The following CALN1 variants were observed in gnomAD, a reference collection of about 807,000 sequenced individuals.
CALN1 encodes the protein calneuron 1, also known as calcium-binding protein 8.
CALN1 carries 17 observed loss-of-function variants against 30.6 expected under a neutral mutation model. The observed-to-expected ratio is 0.56, with a 90% CI of 0.38 to 0.83. The LOEUF (loss-of-function observed/expected upper bound fraction) is 0.83. Among genes scored for constraint, CALN1 ranks in the 40% least tolerant of loss-of-function variants. The pLI is 0.00. For synonymous variants in CALN1, 156 were observed against 131.4 expected, an observed-to-expected ratio of 1.19 and a Z score of -1.28; for missense variants, 291 against 354.9, an observed-to-expected ratio of 0.82 and a Z score of 1.45.
chr7:72,093,549 T>C (rs1286176180), intron 4 of CALN1, among the ~76,000 whole-genome samples: 1 of 152,200 alleles, frequency 6.6e-6, no homozygotes, highest in Non-Finnish European at 1.5e-5. Flanking sequence ...CTGTGGTTTC[T>C]TGGGATACAA....
chr7:72,209,103 ATTTC>A (rs1215083149), intron 3 of CALN1, among the ~76,000 whole-genome samples: 1 of 101,876 alleles, frequency 9.8e-6, no homozygotes, highest in Non-Finnish European at 1.9e-5. Context: ...TTCTTGTGTC[ATTTC>A]TCTCTTTTTT....
intron 3 of CALN1, among the ~76,000 whole-genome samples, chr7:72,231,246 G>A (rs1338986995): frequency 6.6e-6 from 1 of 152,064 alleles, no homozygotes; most frequent in Non-Finnish European, 1.5e-5. Flanking sequence ...ATTAAGCCCA[G>A]CAGGCATTAG....
At chr7:72,323,412 GT>G (rs1801033068) in intron 2 of CALN1, among the ~76,000 whole-genome samples, 4 of 152,162 alleles carry the variant, frequency 2.6e-5, no homozygotes, top group Admixed American at 1.3e-4. Flanking sequence ...GCTGCAGCTT[GT>G]TGGAAATGCC....
intron 4 of CALN1, among the ~76,000 whole-genome samples, chr7:72,056,105 C>T (rs1803242691): frequency 1.3e-5 from 2 of 151,970 alleles, no homozygotes; most frequent in African/African-American, 4.8e-5. Context: ...TAAAAGAAAA[C>T]ATAAAAGAAT....
At chr7:72,503,309 T>C in the CALN1 span, among the ~76,000 whole-genome samples, 1 of 152,046 alleles carries the variant, frequency 6.6e-6, no homozygotes, top group South Asian at 2.1e-4. Context: ...CTTCATCCAA[T>C]GTTCCTAAGC....
chr7:72,275,503 T>C lies in CALN1; in HGVS notation c.244+3183A>G, dbSNP rs140357509. 1.4e-3 allele frequency among the ~76,000 whole-genome samples: 208 copies of C among 152,292 alleles called. 1 individual carries two copies. Among genetic ancestry groups the C allele is most frequent in the African/African-American group, 4.9e-3 (203 of 41,544 alleles). On this transcript the variant is annotated intron_variant, in intron 3 of 6. Coordinates refer to ENST00000395275, the MANE Select transcript of CALN1 (RefSeq NM_031468.4). Reference sequence around the variant, plus strand: ...GCTTGTAATAAACCAGGAACAGTCATAACTCAGTGTTCGCCTTGGCAAAAA... The same window carrying C: ...GCTTGTAATAAACCAGGAACAGTCACAACTCAGTGTTCGCCTTGGCAAAAA...
At chr7:72,197,219 C>G (rs1189451458) in intron 3 of CALN1, among the ~76,000 whole-genome samples, 4 of 110,660 alleles carry the variant, frequency 3.6e-5, no homozygotes, top group African/African-American at 1.4e-4. Context: ...GAGTCTCACT[C>G]TGTCACCCAG....
At chr7:72,348,955 C>T (rs190235617) in intron 2 of CALN1, among the ~76,000 whole-genome samples, 5 of 151,594 alleles carry the variant, frequency 3.3e-5, no homozygotes, top group East Asian at 1.9e-4. Flanking sequence ...AAGGGGCTTT[C>T]GAGCAGCTAT....
chr7:71,996,437 G>A (rs1373183607), intron 5 of CALN1, among the ~76,000 whole-genome samples: 2 of 152,202 alleles, frequency 1.3e-5, no homozygotes, highest in Non-Finnish European at 2.9e-5. Context: ...CTGTGTCCAT[G>A]TGTTCTCATT....
In CALN1 at chr7:72,349,579, C is replaced by T. The variant is rs144403720; in HGVS notation, c.119+53672G>A. 2.4e-3 allele frequency among the ~76,000 whole-genome samples: 364 copies of T among 152,102 alleles called. 3 individuals carry two copies. The highest frequency in any genetic ancestry group is 8.4e-3 in the African/African-American group (350 of 41,502). On this transcript the variant is annotated intron_variant, in intron 2 of 6. Coordinates refer to ENST00000395275, the MANE Select transcript of CALN1 (RefSeq NM_031468.4). ...TGTAATACTAACTTCTTTTAAGGAA[C>T]AATACAAGCCAAAAGACAATGGAAC...
At chr7:72,424,971 T>A (rs1207673996) in intron 1 of CALN1, among the ~76,000 whole-genome samples, 1 of 152,132 alleles carries the variant, frequency 6.6e-6, no homozygotes, top group Non-Finnish European at 1.5e-5. Flanking sequence ...CTCTAAGGTT[T>A]CTCTCCTGAG....
At chr7:72,242,439 A>T (rs1438649591) in intron 3 of CALN1, among the ~76,000 whole-genome samples, 1 of 152,176 alleles carries the variant, frequency 6.6e-6, no homozygotes, top group Non-Finnish European at 1.5e-5. Flanking sequence ...AAGAGAGAAC[A>T]ACTCATTATT....
At position 71,912,922 on chromosome 7, in the gene CALN1, G is replaced by C. The variant is rs541218499; in HGVS notation, c.502-102430C>G. 5.9e-5 allele frequency among the ~76,000 whole-genome samples: 9 copies of C among 152,278 alleles called. No individual in the cohort carries two copies. In the East Asian group the frequency reaches 1.5e-3, roughly 26 times the overall value. On this transcript the variant is annotated intron_variant, in intron 5 of 6. Transcript: ENST00000395275. ...CAGTTTCTGCCACTACCGACTTGAC[G>C]GACTAAGCCAGGGCTGTGATTGAGC... is the stretch of plus-strand genomic sequence containing the variant.
chr7:72,218,790 T>C (rs1585193514), intron 3 of CALN1, among the ~76,000 whole-genome samples: 2 of 152,184 alleles, frequency 1.3e-5, no homozygotes, highest in Admixed American at 6.5e-5. Context: ...TATAAAACAA[T>C]GACTGGTAAA....
At chr7:72,315,190 T>C (rs1287823392) in intron 2 of CALN1, among the ~76,000 whole-genome samples, 1 of 151,836 alleles carries the variant, frequency 6.6e-6, no homozygotes, top group African/African-American at 2.4e-5. Context: ...AGTTAAAAAG[T>C]AATACTAAAG....
At chr7:72,437,463 T>C (rs1467306836) in intron 1 of CALN1, among the ~76,000 whole-genome samples, 4 of 151,652 alleles carry the variant, frequency 2.6e-5, no homozygotes, top group Admixed American at 1.3e-4. Flanking sequence ...AAGAGAACAA[T>C]GGCAAGGAGA....
chr7:72,409,620 A>G (rs73364981), intron 1 of CALN1, among the ~76,000 whole-genome samples: 5,338 of 152,044 alleles, frequency 0.035, 290 homozygotes, highest in African/African-American at 0.12. Flanking sequence ...AAAGTATCTA[A>G]AATTCCAATC....
intron 2 of CALN1, among the ~76,000 whole-genome samples, chr7:72,307,169 C>CAA (rs770183218): frequency 4.6e-5 from 7 of 152,106 alleles, no homozygotes; most frequent in Non-Finnish European, 7.3e-5. Flanking sequence ...TTAAGAGATT[C>CAA]AAGCAGAAAG....
intron 5 of CALN1, among the ~76,000 whole-genome samples, chr7:71,812,195 G>A (rs541119564): frequency 6.6e-6 from 1 of 152,182 alleles, no homozygotes; most frequent in Non-Finnish European, 1.5e-5. Context: ...GACAGCTCAC[G>A]TCAGGAATAC....
Sources: gnomAD v4.1 joint callset for allele counts (sites outside exome capture counted in the v4.1 genomes callset) on GRCh38, gnomAD v4.1.1 for gene constraint, MANE v1.5 for transcripts, NCBI Gene and HGNC (gene_info 2026-07-23, HGNC 2026-07-21) for gene names.